Variants in PRPF3 observed in about 807,000 individuals in gnomAD.
PRPF3 encodes U4/U6 small nuclear ribonucleoprotein Prp3.
A neutral mutation model predicts 89.2 loss-of-function variants in PRPF3; 3 were observed. The observed-to-expected ratio is 0.03, with a 90% confidence interval of 0.02 to 0.09. The LOEUF (loss-of-function observed/expected upper bound fraction) is 0.09. PRPF3 is among the 10% of genes least tolerant of loss of function. The pLI is 1.00. For synonymous variants in PRPF3, 270 were observed against 289.1 expected (o/e 0.93, Z 0.67); for missense variants, 463 against 828.8 (o/e 0.56, Z 5.42).
chr1:150,344,069 G>T, intron 10 of PRPF3, 93 bp from the exon 11 acceptor site: 1 of 1,100,862 alleles, frequency 9.1e-7, no homozygotes, highest in Non-Finnish European at 1.4e-6. Flanking sequence ...TTTGAAATAG[G>T]TAAATAATAT....
chr1:150,350,191 C>A (rs1293846021), intron 15 of PRPF3, among the ~76,000 whole-genome samples: 6 of 146,142 alleles, frequency 4.1e-5, no homozygotes, highest in Admixed American at 6.9e-5. Flanking sequence ...CCACTGTGCC[C>A]AGCCCCTCCA....
chr1:150,339,853 A>G (rs1287205783), intron 8 of PRPF3, among the ~76,000 whole-genome samples: 2 of 148,804 alleles, frequency 1.3e-5, no homozygotes, highest in South Asian at 2.1e-4. Context: ...CCTCATAAGT[A>G]TCCGGGACTA....
intron 3 of PRPF3, among the ~76,000 whole-genome samples, chr1:150,326,234 T>G (rs1655692344): frequency 6.6e-6 from 1 of 152,202 alleles, no homozygotes; most frequent in Non-Finnish European, 1.5e-5. Context: ...ATAAGTTGTT[T>G]TAGAATGTGA....
At chr1:150,338,074 CA>C (rs34911220) in intron 7 of PRPF3, 85 bp from the exon 8 acceptor site, 13,368 of 1,195,858 alleles carry the variant, frequency 0.011, 1 homozygote, top group African/African-American at 0.016. Flanking sequence ...AACTCCGTCT[CA>C]AAAAAAAAAA....
intron 14 of PRPF3, among the ~76,000 whole-genome samples, chr1:150,348,446 T>C (rs1206270554): frequency 6.9e-6 from 1 of 145,882 alleles, no homozygotes; most frequent in Non-Finnish European, 1.5e-5. Flanking sequence ...AAAAATATTT[T>C]GTTCTACACG....
At chr1:150,348,865 A>G (rs1341665862) in intron 14 of PRPF3, 2 of 406,660 alleles carry the variant, frequency 4.9e-6, no homozygotes, top group African/African-American at 4.1e-5. Context: ...CAAAGTGCCT[A>G]GGACAAGTTT....
intron 10 of PRPF3, 79 bp downstream of exon 10, chr1:150,343,531 T>G: frequency 6.5e-7 from 1 of 1,530,312 alleles, no homozygotes; most frequent in Non-Finnish European, 9.0e-7. Flanking sequence ...TTAACATCTC[T>G]GTGTTTGAGT....
At chr1:150,334,784 G>A (rs1553866767) in intron 6 of PRPF3, 151 bp from the exon 7 acceptor site, 2 of 912,956 alleles carry the variant, frequency 2.2e-6, no homozygotes, top group Non-Finnish European at 1.7e-6. Flanking sequence ...GGCCAGACTG[G>A]TCTTTAACTC....
Position 150,337,836 on chromosome 1 carries a change from A to T in PRPF3, c.1036-324A>T, listed in dbSNP as rs188599666. On this transcript the variant is annotated intron_variant, in intron 7 of 15. Coordinates refer to ENST00000324862, the MANE Select transcript of PRPF3 (RefSeq NM_004698.4). ...ATGCCTGTAATCCCATCACTTTGGG[A>T]GGCCGAGGCGGGCAGATCACCTGAG... 9.9e-5 allele frequency among the ~76,000 whole-genome samples: 15 copies of T among 151,274 alleles called. No homozygotes were observed. In the East Asian group the frequency reaches 2.3e-3, roughly 24 times the overall value.
chr1:150,337,621 C>A (rs1560103207), intron 7 of PRPF3, among the ~76,000 whole-genome samples: 2 of 151,490 alleles, frequency 1.3e-5, no homozygotes, highest in Non-Finnish European at 2.9e-5. Context: ...ACTAAAAATA[C>A]AAAAAAATGA....
chr1:150,339,709 A>C (rs1269661658), intron 8 of PRPF3, among the ~76,000 whole-genome samples: 2 of 139,622 alleles, frequency 1.4e-5, no homozygotes, highest in African/African-American at 5.4e-5. Flanking sequence ...AAGGGCTGGG[A>C]TTACAGGCAT....
Position 150,349,179 on chromosome 1 carries a change from A to G in PRPF3, c.1866A>G (p.Glu622=), listed in dbSNP as rs1658636567. 1 of 1,613,882 alleles carries G rather than the reference A, an allele frequency of 6.2e-7. No individual in the cohort carries two copies. The highest frequency in any genetic ancestry group is 1.7e-5 in the Admixed American group (1 of 60,004). Residue 622 remains glutamate, a synonymous_variant, in exon 15 of 16, where the codon GAA becomes GAG. Transcript: ENST00000324862. ...CAGATGATGAGGAGTCTGATGAGGA[A>G]GCTGTGAAGAAAACCAACAAATGTG... ...KGDDDEESDE[E]AVKKTNKCVL...
Position 150,334,810 on chromosome 1 carries a change from C to T in PRPF3, c.729-125C>T, listed in dbSNP as rs1037769659. Reference sequence around the variant, plus strand: ...TCTTTAACTCCTGGGCTCAAGTGATCCCTCTGCCTTGGCCTCCCAAAATGC... The same window carrying T: ...TCTTTAACTCCTGGGCTCAAGTGATTCCTCTGCCTTGGCCTCCCAAAATGC... On this transcript the variant is annotated intron_variant, in intron 6 of 15. Transcript: ENST00000324862. The T allele has an allele frequency of 1.4e-5, 16 of 1,114,756 alleles. No individual in the cohort carries two copies. The African/African-American group carries it at 2.0e-4, about 14-fold the overall frequency. 69.1% of individuals were successfully genotyped at this position (1,114,756 alleles called of 1,614,324 possible). A position where few individuals can be genotyped will look rare whatever the true frequency, so the allele number is the denominator to read the frequency against.
chr1:150,343,513 G>A (rs1168311880), intron 10 of PRPF3, 61 bp downstream of exon 10: 1 of 1,589,062 alleles, frequency 6.3e-7, no homozygotes, highest in African/African-American at 1.3e-5. Flanking sequence ...TTTAATCCTG[G>A]AGGAACTTTA....
chr1:150,347,269 C>T (rs1182412105), intron 14 of PRPF3, among the ~76,000 whole-genome samples: 1 of 151,392 alleles, frequency 6.6e-6, no homozygotes, highest in Non-Finnish European at 1.5e-5. Flanking sequence ...CACACATACA[C>T]ATACATACAC....
chr1:150,326,982 A>G (rs148727922), intron 3 of PRPF3, among the ~76,000 whole-genome samples: 4 of 151,846 alleles, frequency 2.6e-5, no homozygotes, highest in African/African-American at 9.7e-5. Context: ...GAATTTTGTT[A>G]TATTTAAGGT....
At chr1:150,340,151 A>G (rs1429232491) in intron 8 of PRPF3, among the ~76,000 whole-genome samples, 1 of 152,178 alleles carries the variant, frequency 6.6e-6, no homozygotes, top group Non-Finnish European at 1.5e-5. Context: ...CAGCTGTGGC[A>G]TGGTAGAAAA....
chr1:150,346,320 A>G (rs1658267240), intron 13 of PRPF3, 88 bp from the exon 14 acceptor site: 6 of 1,405,166 alleles, frequency 4.3e-6, no homozygotes, highest in Non-Finnish European at 6.1e-6. Flanking sequence ...AGATTGCTTC[A>G]ACTACCACAT....
At chr1:150,348,754 C>T (rs1381833324) in intron 14 of PRPF3, 4 of 257,996 alleles carry the variant, frequency 1.6e-5, no homozygotes, top group Admixed American at 1.5e-4. Context: ...TGAGCCACCA[C>T]GCTGGCCGAT....
Sources: gnomAD v4.1 joint callset for allele counts (sites outside exome capture counted in the v4.1 genomes callset) on GRCh38, gnomAD v4.1.1 for gene constraint, MANE v1.5 for transcripts, NCBI Gene and HGNC (gene_info 2026-07-23, HGNC 2026-07-21) for gene names.